The following RPS6KA3 variants were observed in gnomAD, a reference collection of about 807,000 sequenced individuals.
The protein encoded by RPS6KA3 is ribosomal protein S6 kinase alpha-3.
A neutral mutation model predicts 67.2 loss-of-function variants in RPS6KA3; 4 were observed. The ratio of observed to expected loss-of-function variants is 0.06; its 90% CI spans 0.03 to 0.14. The LOEUF (loss-of-function observed/expected upper bound fraction) is 0.14. Ranked by LOEUF, RPS6KA3 falls within the 10% of genes least tolerant of loss-of-function variation. RPS6KA3 has a pLI of 1.00. For synonymous variants in RPS6KA3, 182 were observed against 183.7 expected, an observed-to-expected ratio of 0.99 and a Z score of 0.07; for missense variants, 204 against 559.0, an observed-to-expected ratio of 0.36 and a Z score of 6.40.
intron 2 of RPS6KA3, among the ~76,000 whole-genome samples, chrX:20,216,205 A>G (rs1349983112): frequency 2.7e-5 from 3 of 111,876 alleles, no homozygotes; most frequent in South Asian, 7.5e-4. Flanking sequence ...TTGATTTGAT[A>G]AGCAAAAGTC....
chrX:20,234,070 T>A (rs1387750677), intron 2 of RPS6KA3, among the ~76,000 whole-genome samples: 1 of 112,434 alleles, frequency 8.9e-6, no homozygotes, highest in Non-Finnish European at 1.9e-5. Context: ...AAAAACCAGA[T>A]GAGGAAATGG....
intron 18 of RPS6KA3, among the ~76,000 whole-genome samples, chrX:20,163,468 T>A (rs375210597): frequency 4.3e-5 from 4 of 93,058 alleles, no homozygotes; most frequent in Non-Finnish European, 6.1e-5. Context: ...AACCCCTGAT[T>A]TCCCCCCCAA....
intron 2 of RPS6KA3, among the ~76,000 whole-genome samples, chrX:20,210,050 A>C (rs2068673278): frequency 8.9e-6 from 1 of 112,237 alleles, no homozygotes; most frequent in Non-Finnish European, 1.9e-5. Context: ...TTGGATGGAT[A>C]ATCAGACATG....
At chrX:20,200,206 CTG>C (rs1202595710) in intron 4 of RPS6KA3, among the ~76,000 whole-genome samples, 2 of 112,269 alleles carry the variant, frequency 1.8e-5, no homozygotes, top group African/African-American at 3.2e-5. Flanking sequence ...AAAAGGGAAA[CTG>C]TGAGTGGGTG....
At chrX:20,225,255 G>GT (rs1171338918) in intron 2 of RPS6KA3, among the ~76,000 whole-genome samples, 202 of 69,663 alleles carry the variant, frequency 2.9e-3, no homozygotes, top group South Asian at 6.5e-3. Flanking sequence ...TTTTTTTTTT[G>GT]TTTTTTTTTT....
At position 20,256,412 on chromosome X, in the gene RPS6KA3, G is replaced by A. The variant is rs144558755; in HGVS notation, c.69+10152C>T. Among the ~76,000 whole-genome samples the A allele has an allele frequency of 4.5e-5, 5 of 110,886 alleles. No individual in the cohort carries two copies. The East Asian group carries it at 1.4e-3, about 31-fold the overall frequency. The stretch of plus-strand genomic sequence containing the variant: ...GAGGATGCAAAGATAGAGAGGTAAC[G>A]ATTTAATAAGCTGCAATCAAAGAAC... On this transcript the variant is annotated intron_variant, in intron 1 of 21. Transcript: ENST00000379565.
chrX:20,248,364 G>A (rs2069760005), intron 1 of RPS6KA3, among the ~76,000 whole-genome samples: 1 of 112,582 alleles, frequency 8.9e-6, no homozygotes, highest in South Asian at 3.6e-4. Flanking sequence ...GAAGCATGAT[G>A]CTGGTTATTG....
At chrX:20,203,926 G>T in intron 4 of RPS6KA3, 96 bp downstream of exon 4, 1 of 647,263 alleles carries the variant, frequency 1.5e-6, no homozygotes, top group Non-Finnish European at 2.6e-6. Flanking sequence ...AACCTATTCA[G>T]AATGTAAATA....
intron 17 of RPS6KA3, among the ~76,000 whole-genome samples, 180 bp downstream of exon 17, chrX:20,167,409 A>G (rs759548997): frequency 1.8e-5 from 2 of 111,999 alleles, no homozygotes; most frequent in South Asian, 3.7e-4. Flanking sequence ...ACAAGCTAGG[A>G]TATCAAAGGT....
intron 7 of RPS6KA3, among the ~76,000 whole-genome samples, chrX:20,190,888 T>C (rs778498139): frequency 1.8e-5 from 2 of 110,215 alleles, no homozygotes; most frequent in Admixed American, 9.7e-5. Context: ...TTTTTTATTA[T>C]GCTTTAGGTT....
At chrX:20,191,623 G>A (rs1332485036) in intron 7 of RPS6KA3, among the ~76,000 whole-genome samples, 3 of 103,161 alleles carry the variant, frequency 2.9e-5, no homozygotes, top group Non-Finnish European at 3.9e-5. Context: ...AATGACCAGG[G>A]ATGATGAGCT....
At chrX:20,266,518 G>A in intron 1 of RPS6KA3, 46 bp downstream of exon 1, 2 of 1,050,361 alleles carry the variant, frequency 1.9e-6, no homozygotes, top group Admixed American at 2.6e-5. Flanking sequence ...GCCGGCGGGG[G>A]CGCGAGGAGG....
intron 9 of RPS6KA3, among the ~76,000 whole-genome samples, chrX:20,186,731 T>G (rs779715078): frequency 8.9e-6 from 1 of 112,538 alleles, no homozygotes; most frequent in South Asian, 3.6e-4. Flanking sequence ...GTGCTGGGAT[T>G]AGAGGCATGG....
intron 2 of RPS6KA3, among the ~76,000 whole-genome samples, chrX:20,226,174 A>T (rs1465572776): frequency 1.8e-5 from 2 of 111,191 alleles, no homozygotes; most frequent in Non-Finnish European, 3.8e-5. Context: ...CTGTTTCCAA[A>T]ATAAATAAAT....
intron 1 of RPS6KA3, chrX:20,265,929 G>T (rs1413644648): frequency 9.0e-6 from 1 of 110,662 alleles, no homozygotes; most frequent in Admixed American, 9.5e-5. Context: ...TCACAGGGAC[G>T]GGGGTCTAGC....
intron 1 of RPS6KA3, among the ~76,000 whole-genome samples, chrX:20,252,633 G>A (rs931269132): frequency 1.8e-5 from 2 of 111,146 alleles, no homozygotes; most frequent in Admixed American, 1.9e-4. Flanking sequence ...AGGGGTGTAA[G>A]CTCACCTCCC....
rs1021572226 is a variant in RPS6KA3 at position 20,178,773 on chromosome X, T to C, written c.846-1689A>G. On this transcript the variant is annotated intron_variant, in intron 10 of 21. Transcript: ENST00000379565. ...TGGGATTATGGGTGAAATCAGTATT[T>C]TCTAAGTATTTATTTCCAGCACCTC... 5.5e-5 allele frequency among the ~76,000 whole-genome samples: 6 copies of C among 108,267 alleles called. No individual in the cohort carries two copies. In the Admixed American group the frequency reaches 6.1e-4, roughly 11 times the overall value. 94.0% of individuals were successfully genotyped at this position (108,267 alleles called of 115,157 possible). A position where few individuals can be genotyped will look rare whatever the true frequency, so the allele number is the denominator to read the frequency against.
chrX:20,191,203 G>A (rs1428134225), intron 7 of RPS6KA3, among the ~76,000 whole-genome samples: 2 of 111,491 alleles, frequency 1.8e-5, no homozygotes, highest in African/African-American at 3.3e-5. Context: ...CATGAACTCA[G>A]CATTTTTTAT....
At chrX:20,263,537 C>T in intron 1 of RPS6KA3, among the ~76,000 whole-genome samples, 1 of 111,614 alleles carries the variant, frequency 9.0e-6, no homozygotes, top group East Asian at 2.8e-4. Flanking sequence ...TTCTGACCCA[C>T]GTTTGAGTTT....
Sources: allele counts gnomAD v4.1 joint callset (sites outside exome capture counted in the v4.1 genomes callset), GRCh38; gene constraint gnomAD v4.1.1; transcripts MANE v1.5; gene names NCBI Gene and HGNC (gene_info 2026-07-23, HGNC 2026-07-21).